Variants in ZNF7 observed in about 807,000 individuals in gnomAD.
ZNF7 encodes C2-H2 type zinc finger protein.
Under a neutral mutation model 12.0 loss-of-function variants are expected in ZNF7, and 10 were observed. That is an observed-to-expected ratio of 0.83 (90% confidence interval 0.51 to 1.42). ZNF7 has a LOEUF of 1.42. ZNF7 is among the 40% of genes most tolerant of loss of function. The probability of loss-of-function intolerance (pLI) is 0.00; values close to 1 mark genes in which losing one functional copy is unlikely to be tolerated. For missense variants in ZNF7, 854 were observed against 837.2 expected (o/e 1.02, Z -0.25); for synonymous variants, 334 against 295.0 (o/e 1.13, Z -1.35).
At position 144,841,633 on chromosome 8, in the gene ZNF7, A is replaced by G; in HGVS notation, c.526A>G (p.Ser176Gly). ...ACCCCAGGGATGTAAGGAGCTGGGA[A>G]GCAGCGGCCTGGATTGTCAGCCTCT... ...DAPQGCKELG[S>G]SGLDCQPLES... Residue 176 changes from serine to glycine, a missense_variant, in exon 5 of 5, where the codon AGC becomes GGC. Ser to Gly is a moderately conservative substitution (Grantham distance 56). Coordinates refer to ENST00000532777, the MANE Select transcript of ZNF7 (RefSeq NM_003416.4). 1 of 1,614,224 alleles carries G rather than the reference A, an allele frequency of 6.2e-7. No individual in the cohort carries two copies. Among genetic ancestry groups the G allele is most frequent in the Non-Finnish European group, 8.5e-7 (1 of 1,180,040 alleles).
At chr8:144,834,181 C>G (rs1828746049) in intron 3 of ZNF7, 1 of 152,052 alleles carries the variant, frequency 6.6e-6, no homozygotes, top group Non-Finnish European at 1.5e-5. Context: ...GATTTTTTTG[C>G]TTTGTGAATG....
At chr8:144,837,567 C>G in intron 4 of ZNF7, 60 bp downstream of exon 4, 1 of 1,341,324 alleles carries the variant, frequency 7.5e-7, no homozygotes, top group South Asian at 1.3e-5. Context: ...CAGGAGGGGC[C>G]TCACAACTGT....
downstream of ZNF7, among the ~76,000 whole-genome samples, chr8:144,844,042 A>T (rs1404096085): frequency 6.6e-6 from 1 of 152,076 alleles, no homozygotes; most frequent in Non-Finnish European, 1.5e-5. Context: ...TATGGAGCAC[A>T]TACCAGTGCC....
In ZNF7 at chr8:144,841,593, C is replaced by G; in HGVS notation, c.486C>G (p.Thr162=). 6.2e-7 allele frequency: 1 copy of G among 1,614,162 alleles called. No individual in the cohort carries two copies. The highest frequency in any genetic ancestry group is 1.1e-5 in the South Asian group (1 of 91,078). Residue 162 remains threonine (T), a synonymous_variant, in exon 5 of 5, where the codon ACC becomes ACG. Coordinates refer to ENST00000532777, the MANE Select transcript of ZNF7 (RefSeq NM_003416.4). The part of the protein sequence containing the change: ...CLNEETVVPK[T]FTKDAPQGCK... ...ATGAGGAGACTGTGGTTCCCAAGAC[C>G]TTCACCAAGGACGCACCCCAGGGAT... is the stretch of plus-strand genomic sequence containing the variant.
chr8:144,830,297 C>A (rs1828291349), intron 3 of ZNF7, among the ~76,000 whole-genome samples: 1 of 152,244 alleles, frequency 6.6e-6, no homozygotes, highest in Non-Finnish European at 1.5e-5. Context: ...GCCTGTCCCC[C>A]TCTGTCCCGG....
intron 4 of ZNF7, among the ~76,000 whole-genome samples, 187 bp downstream of exon 4, chr8:144,837,694 G>A (rs1315682351): frequency 6.6e-6 from 1 of 152,164 alleles, no homozygotes; most frequent in Non-Finnish European, 1.5e-5. Context: ...CCTTGGGAGA[G>A]GCCAAACTGC....
At position 144,837,431 on chromosome 8, in the gene ZNF7, G is replaced by A. The variant is rs377230478; in HGVS notation, c.171G>A (p.Leu57=). The A allele has an allele frequency of 9.3e-6, 15 of 1,612,930 alleles. No homozygotes were observed. The African/African-American group carries it at 1.1e-4, about 11-fold the overall frequency. Residue 57 remains leucine, a synonymous_variant, in exon 4 of 5, where the codon CTG becomes CTA. Coordinates refer to ENST00000532777, the MANE Select transcript of ZNF7 (RefSeq NM_003416.4). The part of the protein sequence containing the change: ...LVFKPELISR[L]EQGEEPWVLD... ...TCAAGCCTGAGCTGATCTCTCGGCT[G>A]GAGCAGGGAGAAGAGCCATGGGTCC...
intron 3 of ZNF7, 82 bp from the exon 4 acceptor site, chr8:144,837,309 T>G: frequency 3.2e-6 from 4 of 1,239,898 alleles, no homozygotes; most frequent in Non-Finnish European, 4.5e-6. Flanking sequence ...CCCCTTTCCA[T>G]TTGGAAACTG....
At chr8:144,839,457 C>G (rs1270312773) in intron 4 of ZNF7, among the ~76,000 whole-genome samples, 1 of 152,256 alleles carries the variant, frequency 6.6e-6, no homozygotes, top group Admixed American at 6.5e-5. Context: ...CCCAGCCGCC[C>G]ATTAAAATGT....
chr8:144,838,327 G>A (rs1262845357), intron 4 of ZNF7: 4 of 577,116 alleles, frequency 6.9e-6, no homozygotes, highest in African/African-American at 1.9e-5. Flanking sequence ...GTCACATTCT[G>A]AGGTGCTTCA....
Position 144,842,877 on chromosome 8 carries a change from C to T in ZNF7, c.1770C>T (p.Phe590=). The change falls in exon 5 of 5, where the codon TTC becomes TTT. Residue 590 remains phenylalanine (F), a synonymous_variant. Transcript: ENST00000532777. ...PYECSECGKA[F]SRSSYLIEHQ... ...AGTGCAGTGAGTGTGGAAAAGCCTT[C>T]AGCCGGAGCTCATATCTTATTGAAC... 6.2e-7 allele frequency: 1 copy of T among 1,614,222 alleles called. No homozygotes were observed. Among genetic ancestry groups the T allele is most frequent in the South Asian group, 1.1e-5 (1 of 91,092 alleles).
chr8:144,833,639 A>G (rs1828691918), intron 3 of ZNF7: 2 of 151,754 alleles, frequency 1.3e-5, no homozygotes, highest in South Asian at 2.1e-4. Flanking sequence ...TGGTCTCCCA[A>G]AGTGCTGGGA....
intron 3 of ZNF7, among the ~76,000 whole-genome samples, chr8:144,830,728 CTTT>C (rs756859185): frequency 1.4e-5 from 2 of 139,014 alleles, no homozygotes; most frequent in African/African-American, 2.6e-5. Flanking sequence ...AGTGAGGGTC[CTTT>C]TTTTTTTTTT....
chr8:144,843,100 A>T lies in ZNF7; in HGVS notation c.1993A>T (p.Asn665Tyr), dbSNP rs779277064. Residue 665 changes from asparagine (N) to tyrosine (Y), a missense_variant, in exon 5 of 5, where the codon AAT becomes TAT. By Grantham distance (143) the Asn-to-Tyr change is moderately radical. Coordinates refer to ENST00000532777, the MANE Select transcript of ZNF7 (RefSeq NM_003416.4). The part of the protein sequence containing the change: ...IHTGEKPYKC[N>Y]DCGKAFNRSS... ...CACCGGGGAGAAGCCTTATAAATGC[A>T]ATGACTGTGGCAAAGCTTTTAATCG... is the stretch of plus-strand genomic sequence containing the variant. 4 of 1,612,882 alleles carry T rather than the reference A, an allele frequency of 2.5e-6. No individual in the cohort carries two copies. Among genetic ancestry groups the T allele is most frequent in the Non-Finnish European group, 3.4e-6 (4 of 1,179,616 alleles).
At chr8:144,832,970 G>T (rs1828610341) in intron 3 of ZNF7, among the ~76,000 whole-genome samples, 1 of 152,014 alleles carries the variant, frequency 6.6e-6, no homozygotes, top group South Asian at 2.1e-4. Flanking sequence ...GGCCGAGGTG[G>T]GCGGATCACC....
downstream of ZNF7, among the ~76,000 whole-genome samples, chr8:144,845,201 G>A (rs2954675): frequency 0.068 from 10,313 of 152,196 alleles, 662 homozygotes; most frequent in African/African-American, 0.16. Flanking sequence ...GAAATCCTGT[G>A]GCCATTCCAC....
At chr8:144,845,493 G>C (rs1302712894), downstream of ZNF7, among the ~76,000 whole-genome samples, 2 of 152,122 alleles carry the variant, frequency 1.3e-5, no homozygotes, top group East Asian at 1.9e-4. Flanking sequence ...GATGGCAGGT[G>C]GCTTGCTCAA....
intron 3 of ZNF7, among the ~76,000 whole-genome samples, chr8:144,833,178 A>G (rs1391459271): frequency 6.8e-6 from 1 of 146,042 alleles, no homozygotes; most frequent in Admixed American, 7.0e-5. Context: ...AGTCTGGGCA[A>G]TAAGCGAGAC....
intron 1 of ZNF7, 143 bp downstream of exon 1, chr8:144,827,752 C>T: frequency 2.2e-6 from 2 of 906,902 alleles, no homozygotes; most frequent in Non-Finnish European, 1.3e-6. Flanking sequence ...CTTTGCGGGG[C>T]CTTGAGCGCC....
Sources: gnomAD v4.1 joint callset for allele counts (sites outside exome capture counted in the v4.1 genomes callset) on GRCh38, gnomAD v4.1.1 for gene constraint, MANE v1.5 for transcripts, NCBI Gene and HGNC (gene_info 2026-07-23, HGNC 2026-07-21) for gene names.